Variants in OR3A2 observed in about 807,000 individuals in gnomAD.
The protein encoded by OR3A2 is olfactory receptor 3A2.
For missense variants in OR3A2, 318 were observed against 392.8 expected (o/e 0.81, Z 1.61); for synonymous variants, 126 against 159.3 (o/e 0.79, Z 1.57).
chr17:3,353,655 A>C (rs1341374763), intron 2 of OR3A2, among the ~76,000 whole-genome samples: 2 of 151,782 alleles, frequency 1.3e-5, no homozygotes, highest in Admixed American at 1.3e-4. Flanking sequence ...GATGCATCAC[A>C]TTGATTTTTA....
chr17:3,368,598 C>T (rs1262253692), intron 2 of OR3A2, among the ~76,000 whole-genome samples: 1 of 152,090 alleles, frequency 6.6e-6, no homozygotes, highest in African/African-American at 2.4e-5. Context: ...GTCTACGTGT[C>T]TGTTTTTATA....
chr17:3,350,327 G>T (rs1482629676), intron 2 of OR3A2, among the ~76,000 whole-genome samples: 1 of 149,760 alleles, frequency 6.7e-6, no homozygotes, highest in African/African-American at 2.4e-5. Context: ...TCAAATAGAT[G>T]CAATAAAAAA....
At chr17:3,294,942 A>G (rs1222039483) in intron 3 of OR3A2, among the ~76,000 whole-genome samples, 2 of 152,208 alleles carry the variant, frequency 1.3e-5, no homozygotes, top group Non-Finnish European at 2.9e-5. Flanking sequence ...AGCAGACTTC[A>G]GAGTTTTGTT....
chr17:3,354,608 G>A (rs1171287010), intron 2 of OR3A2, among the ~76,000 whole-genome samples: 1 of 151,090 alleles, frequency 6.6e-6, no homozygotes, highest in African/African-American at 2.4e-5. Flanking sequence ...GTAGCAATGA[G>A]TCTTTCTTCA....
At chr17:3,310,884 T>G in intron 3 of OR3A2, 1 of 948,600 alleles carries the variant, frequency 1.1e-6, no homozygotes, top group Non-Finnish European at 1.6e-6. Flanking sequence ...CCAGCTCTCC[T>G]GCTCCAGTGT....
At chr17:3,300,168 CT>C in intron 3 of OR3A2, among the ~76,000 whole-genome samples, 1 of 151,594 alleles carries the variant, frequency 6.6e-6, no homozygotes, top group South Asian at 2.1e-4. Context: ...CAAAAAACAA[CT>C]TTTATGACAT....
downstream of OR3A2, among the ~76,000 whole-genome samples, chr17:3,276,340 T>G (rs1383770034): frequency 6.6e-6 from 1 of 152,146 alleles, no homozygotes; most frequent in Non-Finnish European, 1.5e-5. Context: ...AACAGTATGG[T>G]TCTACTGATG....
chr17:3,368,430 T>TC (rs1169317410), intron 2 of OR3A2, among the ~76,000 whole-genome samples: 1 of 152,210 alleles, frequency 6.6e-6, no homozygotes, highest in Non-Finnish European at 1.5e-5. Flanking sequence ...GAGATGAGGA[T>TC]CCAGTTTCAT....
intron 2 of OR3A2, among the ~76,000 whole-genome samples, chr17:3,354,383 T>C (rs573861611): frequency 6.6e-6 from 1 of 151,476 alleles, no homozygotes; most frequent in African/African-American, 2.4e-5. Flanking sequence ...ATAATCATGG[T>C]ACACTGTAGC....
chr17:3,278,716 TC>T lies in OR3A2; in HGVS notation c.201del (p.Asn68ThrfsTer51). Reference sequence around the variant, plus strand: ...CATCCGACATCCAGCACTGACAGGTTCCCCAGGAAGAAGTACATGGGGGCGT... The same window carrying T: ...CATCCGACATCCAGCACTGACAGGTTCCCAGGAAGAAGTACATGGGGGCGT... On this transcript the variant is annotated frameshift_variant, in exon 2 of 2. Coordinates refer to ENST00000642052, the Ensembl canonical transcript of OR3A2. LOFTEE classifies it low-confidence loss of function (END_TRUNC). 1 of 1,327,358 alleles carries T rather than the reference TC, an allele frequency of 7.5e-7. No homozygotes were observed. Among genetic ancestry groups the T allele is most frequent in the Non-Finnish European group, 1.0e-6 (1 of 960,392 alleles). 82.2% of individuals were successfully genotyped at this position (1,327,358 alleles called of 1,614,324 possible).
upstream of OR3A2, among the ~76,000 whole-genome samples, chr17:3,286,687 AT>A (rs1233880007): frequency 4.0e-5 from 6 of 150,972 alleles, no homozygotes; most frequent in East Asian, 1.2e-3. Flanking sequence ...TGATGACGAG[AT>A]TTTTTTCATG....
chr17:3,283,466 C>A (rs942425908), intron 1 of OR3A2, among the ~76,000 whole-genome samples: 6 of 152,176 alleles, frequency 3.9e-5, no homozygotes, highest in Non-Finnish European at 8.8e-5. Context: ...CTCAGGTGAT[C>A]CGCCCACCTC....
intron 1 of OR3A2, among the ~76,000 whole-genome samples, chr17:3,279,452 A>G (rs2048764315): frequency 6.6e-6 from 1 of 152,266 alleles, no homozygotes; most frequent in Non-Finnish European, 1.5e-5. Flanking sequence ...TCCCAAACTA[A>G]TAAGCAGGTT....
chr17:3,384,963 G>A (rs1285101132), intron 1 of OR3A2, among the ~76,000 whole-genome samples: 7 of 152,064 alleles, frequency 4.6e-5, no homozygotes, highest in Non-Finnish European at 7.4e-5. Flanking sequence ...AGGCCAAGGC[G>A]GGTGGATCAC....
At chr17:3,368,078 TG>T (rs2049580140) in intron 2 of OR3A2, among the ~76,000 whole-genome samples, 1 of 152,176 alleles carries the variant, frequency 6.6e-6, no homozygotes, top group Non-Finnish European at 1.5e-5. Flanking sequence ...CACTTTTTGA[TG>T]GAATTGTTTT....
At chr17:3,330,674 A>T (rs986469654) in intron 3 of OR3A2, among the ~76,000 whole-genome samples, 130 of 152,242 alleles carry the variant, frequency 8.5e-4, no homozygotes, top group African/African-American at 3.0e-3. Flanking sequence ...CCAATTTGCC[A>T]GTCTGTGTCT....
intron 2 of OR3A2, among the ~76,000 whole-genome samples, chr17:3,344,418 C>T (rs1300675920): frequency 6.6e-6 from 1 of 152,134 alleles, no homozygotes; most frequent in Non-Finnish European, 1.5e-5. Context: ...CTCCAGGCCA[C>T]TACTGTACCT....
intron 3 of OR3A2, among the ~76,000 whole-genome samples, chr17:3,330,500 T>A (rs1287587606): frequency 1.3e-5 from 2 of 152,128 alleles, no homozygotes; most frequent in Non-Finnish European, 2.9e-5. Context: ...TTTGTTGGTT[T>A]AAAGTCTGAT....
At chr17:3,377,238 C>T (rs746585906) in intron 2 of OR3A2, among the ~76,000 whole-genome samples, 2 of 152,164 alleles carry the variant, frequency 1.3e-5, no homozygotes, top group East Asian at 1.9e-4. Context: ...ATGTTAGTCC[C>T]GTCTCCTAAC....
Sources: allele counts gnomAD v4.1 joint callset (sites outside exome capture counted in the v4.1 genomes callset), GRCh38; gene constraint gnomAD v4.1.1; transcripts MANE v1.5; gene names NCBI Gene and HGNC (gene_info 2026-07-23, HGNC 2026-07-21).